SIK3: variants seen among roughly 807,000 people sequenced by gnomAD.
SIK3 encodes the protein serine/threonine-protein kinase SIK3.
In SIK3, 28 loss-of-function variants were observed where a neutral mutation model predicts 144.2. The observed-to-expected ratio is 0.19, with a 90% CI of 0.14 to 0.27. SIK3 has a LOEUF of 0.27. Among genes scored for constraint, SIK3 ranks in the 10% least tolerant of loss-of-function variants. The pLI is 1.00. For missense variants in SIK3, 1,319 were observed against 1,776.0 expected (o/e 0.74, Z 4.62); for synonymous variants, 686 against 676.3 (o/e 1.01, Z -0.22).
chr11:116,979,795 C>T (rs1440335944), intron 1 of SIK3, among the ~76,000 whole-genome samples: 1 of 151,984 alleles, frequency 6.6e-6, no homozygotes. Flanking sequence ...TGCAGTGAGC[C>T]AAGATCATGC....
At position 116,858,159 on chromosome 11, in the gene SIK3, G is replaced by T. The variant is rs757452260; in HGVS notation, c.3306C>A (p.His1102Gln). Reference sequence around the variant, plus strand: ...GCAGATGCTGGGGGCTGGTGTGATGGTGATAAGAGTCAGCATTTTGATAAG... The same window carrying T: ...GCAGATGCTGGGGGCTGGTGTGATGTTGATAAGAGTCAGCATTTTGATAAG... ...ALSYQNADSY[H>Q]HHTSPQHLLQ... The change falls in exon 21 of 25, where the codon CAC (histidine) becomes CAA (glutamine). Residue 1102 changes from histidine to glutamine, a missense_variant. By Grantham distance (24) the His-to-Gln change is conservative. This residue lies in a region of SIK3 where 646 missense variants were observed against 763.7 expected (regional missense o/e 0.85). Transcript: ENST00000445177. This position sits in a 1 kb window ranked among gnomAD's most constrained non-coding sequence, Gnocchi z 5.4. The T allele has an allele frequency of 1.5e-5, 25 of 1,614,018 alleles. No homozygotes were observed. The Middle Eastern group carries it at 1.3e-3, about 85-fold the overall frequency.
intron 1 of SIK3, among the ~76,000 whole-genome samples, chr11:116,982,970 T>A (rs7117123): frequency 0.43 from 47,606 of 110,222 alleles, 14,742 homozygotes; most frequent in Non-Finnish European, 0.65. Context: ...AAAAAAAAAA[T>A]TTCTGACCCG....
At chr11:116,862,811 C>T (rs1282130727) in intron 16 of SIK3, among the ~76,000 whole-genome samples, 1 of 152,140 alleles carries the variant, frequency 6.6e-6, no homozygotes, top group Non-Finnish European at 1.5e-5. Flanking sequence ...AGGTGGCTCA[C>T]GCCTGTAATC....
At chr11:116,888,096 C>T (rs543987869) in intron 6 of SIK3, among the ~76,000 whole-genome samples, 1 of 152,210 alleles carries the variant, frequency 6.6e-6, no homozygotes, top group Non-Finnish European at 1.5e-5. Flanking sequence ...TATGTAGCTA[C>T]TCTGGAATTC....
At chr11:116,870,492 G>C in intron 13 of SIK3, 91 bp from the exon 14 acceptor site, 1 of 1,556,352 alleles carries the variant, frequency 6.4e-7, no homozygotes, top group Non-Finnish European at 8.8e-7. Context: ...AGGACTTTCT[G>C]TTAACTTTCT....
At chr11:117,093,049 AC>A (rs1252637014) in intron 1 of SIK3, among the ~76,000 whole-genome samples, 2 of 152,158 alleles carry the variant, frequency 1.3e-5, no homozygotes, top group Non-Finnish European at 2.9e-5. Context: ...ACGTTTAGCA[AC>A]CCCATCACCA....
intron 1 of SIK3, among the ~76,000 whole-genome samples, chr11:116,958,075 T>C (rs570793857): frequency 2.6e-5 from 4 of 152,174 alleles, no homozygotes; most frequent in Non-Finnish European, 4.4e-5. Flanking sequence ...ATGTAATCAG[T>C]ATGGAAGCAA....
chr11:117,049,143 GT>G (rs1386529913), intron 1 of SIK3, among the ~76,000 whole-genome samples: 1 of 151,946 alleles, frequency 6.6e-6, no homozygotes, highest in African/African-American at 2.4e-5. Context: ...ATTTCTCTCA[GT>G]TTTTTTGTCT....
intron 4 of SIK3, among the ~76,000 whole-genome samples, chr11:116,915,915 T>G (rs749819928): frequency 6.6e-6 from 1 of 152,202 alleles, no homozygotes; most frequent in Non-Finnish European, 1.5e-5. Flanking sequence ...AACCAACTAC[T>G]TGAACAATAA....
At chr11:116,905,574 G>A (rs986591006) in intron 4 of SIK3, among the ~76,000 whole-genome samples, 5 of 152,252 alleles carry the variant, frequency 3.3e-5, no homozygotes, top group African/African-American at 9.6e-5. Flanking sequence ...TACCAGCAAC[G>A]TACAAGGATT....
At chr11:116,992,723 T>A (rs1316148898) in intron 1 of SIK3, among the ~76,000 whole-genome samples, 1 of 152,184 alleles carries the variant, frequency 6.6e-6, no homozygotes, top group Non-Finnish European at 1.5e-5. Flanking sequence ...AGCTCATGAC[T>A]ATAATAATCC....
intron 1 of SIK3, among the ~76,000 whole-genome samples, chr11:117,093,973 G>A (rs1955361025): frequency 6.6e-6 from 1 of 152,034 alleles, no homozygotes; most frequent in African/African-American, 2.4e-5. Context: ...TGATGATGAT[G>A]GTAATATTTA....
In SIK3 at chr11:117,072,018, G is replaced by A. The variant is rs115706423; in HGVS notation, c.273+26125C>T. On this transcript the variant is annotated intron_variant, in intron 1 of 24. Transcript: ENST00000445177. The stretch of plus-strand genomic sequence containing the variant: ...ACTGGTGAAAAATAAGGTAAAACAG[G>A]TAGAATTAACTCAAATCACTGATGG... Among the ~76,000 whole-genome samples, 820 of 152,106 alleles carry A rather than the reference G, an allele frequency of 5.4e-3. 8 individuals are homozygous for A. Among genetic ancestry groups the A allele is most frequent in the African/African-American group, 0.019 (769 of 41,484 alleles).
At chr11:116,857,678 C>G in intron 21 of SIK3, 132 bp downstream of exon 21, 3 of 1,431,866 alleles carry the variant, frequency 2.1e-6, no homozygotes, top group Non-Finnish European at 2.8e-6. Flanking sequence ...TGCTTCTCCC[C>G]AAGAAGGTCG....
chr11:116,988,419 T>G (rs1029952328), intron 1 of SIK3, among the ~76,000 whole-genome samples: 2 of 151,750 alleles, frequency 1.3e-5, no homozygotes, highest in African/African-American at 4.8e-5. Context: ...TGAAGTAACT[T>G]TCTAATGATA....
chr11:116,903,785 T>C (rs566255989), intron 4 of SIK3, among the ~76,000 whole-genome samples: 4 of 152,214 alleles, frequency 2.6e-5, no homozygotes, highest in Non-Finnish European at 5.9e-5. Flanking sequence ...GGGGTCTTGC[T>C]ATGTTGTCCA....
At chr11:117,051,793 C>T (rs11216249) in intron 1 of SIK3, among the ~76,000 whole-genome samples, 1 of 151,724 alleles carries the variant, frequency 6.6e-6, no homozygotes, top group Non-Finnish European at 1.5e-5. Context: ...CCTCCCAAAA[C>T]GCTGGGATTA....
intron 6 of SIK3, among the ~76,000 whole-genome samples, chr11:116,880,509 C>A (rs1944490625): frequency 6.6e-6 from 1 of 151,980 alleles, no homozygotes; most frequent in African/African-American, 2.4e-5. Flanking sequence ...ATCGAACGTG[C>A]CAAGGAACAG....
At chr11:116,935,717 A>C (rs909407421) in intron 3 of SIK3, among the ~76,000 whole-genome samples, 1 of 152,216 alleles carries the variant, frequency 6.6e-6, no homozygotes, top group South Asian at 2.1e-4. Context: ...TATAACCTGC[A>C]TGCTCCAAGT....
Sources: gnomAD v4.1 joint callset for allele counts (sites outside exome capture counted in the v4.1 genomes callset) on GRCh38, gnomAD v4.1.1 for gene constraint, gnomAD v4.1.1 regional missense constraint, Gnocchi (gnomAD v3.1) non-coding constraint, MANE v1.5 for transcripts, NCBI Gene and HGNC (gene_info 2026-07-23, HGNC 2026-07-21) for gene names.